The following TNR variants were observed in gnomAD, a reference collection of about 807,000 sequenced individuals.
The protein encoded by TNR is tenascin R.
In TNR, 45 loss-of-function variants were observed where a neutral mutation model predicts 150.4. The ratio of observed to expected loss-of-function variants is 0.30; its 90% CI spans 0.24 to 0.38. The LOEUF (loss-of-function observed/expected upper bound fraction) is 0.38, where lower values mean the gene tolerates loss of function less well. TNR is among the 10% of genes least tolerant of loss of function. The pLI, the probability that TNR is intolerant of heterozygous loss-of-function variation, is 1.00. For missense variants in TNR, 1,544 were observed against 1,759.1 expected (o/e 0.88, Z 2.19); for synonymous variants, 687 against 678.4 (o/e 1.01, Z -0.20).
In TNR at chr1:175,601,440, G is replaced by A. The variant is rs151262730; in HGVS notation, c.-164-73071C>T. 1.9e-4 allele frequency among the ~76,000 whole-genome samples: 29 copies of A among 152,324 alleles called. 1 individual carries two copies. In the East Asian group the frequency reaches 5.4e-3, roughly 28 times the overall value. ...AGTCATCATGGCAGAAGAGAAAGGT[G>A]AATGGGCCTAAACTTAAGAGGCCTG... is the stretch of plus-strand genomic sequence containing the variant. On this transcript the variant is annotated intron_variant, in intron 1 of 22. Transcript: ENST00000367674.
In TNR at chr1:175,550,065, A is replaced by G. The variant is rs1660876686; in HGVS notation, c.-164-21696T>C. On this transcript the variant is annotated intron_variant, in intron 1 of 22. Transcript: ENST00000367674. ...AAGCCCATAAAGGGAGGCTATTACA[A>G]CAGAGGAGAGGTGGCCAACAAATTT... 3.9e-5 allele frequency among the ~76,000 whole-genome samples: 6 copies of G among 152,252 alleles called. No homozygotes were observed. In the South Asian group the frequency reaches 1.2e-3, roughly 32 times the overall value.
chr1:175,513,676 A>G (rs778418373), intron 2 of TNR, among the ~76,000 whole-genome samples: 3 of 152,134 alleles, frequency 2.0e-5, no homozygotes, highest in South Asian at 2.1e-4. Flanking sequence ...TTACATTTCT[A>G]TTTGTTCAGA....
intron 1 of TNR, among the ~76,000 whole-genome samples, chr1:175,613,247 T>C (rs762002683): frequency 2.0e-5 from 3 of 152,154 alleles, no homozygotes; most frequent in African/African-American, 4.8e-5. Context: ...TGAGTCTCTG[T>C]AGCTAGGTCC....
intron 1 of TNR, among the ~76,000 whole-genome samples, chr1:175,705,195 G>C (rs1422261582): frequency 6.6e-6 from 1 of 152,142 alleles, no homozygotes; most frequent in Non-Finnish European, 1.5e-5. Flanking sequence ...TGGTCTCAGA[G>C]ATAGAAAGAC....
At chr1:175,570,277 T>C (rs1378345116) in intron 1 of TNR, among the ~76,000 whole-genome samples, 1 of 152,166 alleles carries the variant, frequency 6.6e-6, no homozygotes, top group Non-Finnish European at 1.5e-5. Flanking sequence ...GGCAGGGTCA[T>C]TTGCACAACT....
chr1:175,331,058 T>TTTCTTTCTTTCCTTCCTTCC (rs1491379776), intron 20 of TNR, among the ~76,000 whole-genome samples: 1 of 116,208 alleles, frequency 8.6e-6, no homozygotes, highest in African/African-American at 3.7e-5. Context: ...TCTTTCTTTC[T>TTTCTTTCTTTCCTTCCTTCC]TTCTTTCTTT....
intron 1 of TNR, among the ~76,000 whole-genome samples, chr1:175,706,416 A>G (rs1429694054): frequency 6.6e-6 from 1 of 152,122 alleles, no homozygotes; most frequent in African/African-American, 2.4e-5. Context: ...AAGGACATTA[A>G]CAAGCCAGAA....
chr1:175,532,369 G>T, intron 1 of TNR, among the ~76,000 whole-genome samples: 1 of 152,208 alleles, frequency 6.6e-6, no homozygotes, highest in African/African-American at 2.4e-5. Flanking sequence ...AACTGTTGGT[G>T]ATCTGACCCA....
chr1:175,426,905 AT>A (rs1363473389), intron 2 of TNR, among the ~76,000 whole-genome samples: 11 of 81,940 alleles, frequency 1.3e-4, no homozygotes, highest in African/African-American at 6.0e-4. Flanking sequence ...TATAAAATAT[AT>A]TATATATATA....
rs779238112 is a variant in TNR at position 175,337,545 on chromosome 1, C to T, written c.3517G>A (p.Asp1173Asn). Residue 1173 changes from aspartate to asparagine, a missense_variant, in exon 19 of 23, where the codon GAC becomes AAC. Asp to Asn is a conservative substitution (Grantham distance 23). This residue lies in a region of TNR where 290 missense variants were observed against 429.7 expected (regional missense o/e 0.67). Transcript: ENST00000367674. ...GTACTTACAATCCAGCCGCCCCCGT[C>T]GGTGGTCATATCACAGTACACTTGT... Reference protein sequence around the residue: ...KLQVYCDMTTDGGGWIVFQRR... With the variant: ...KLQVYCDMTTNGGGWIVFQRR... 1.2e-5 allele frequency: 19 copies of T among 1,613,434 alleles called. No individual in the cohort carries two copies. In the East Asian group the frequency reaches 2.5e-4, roughly 21 times the overall value.
chr1:175,383,271 C>T (rs909060975), intron 8 of TNR, among the ~76,000 whole-genome samples: 7 of 152,178 alleles, frequency 4.6e-5, no homozygotes, highest in African/African-American at 7.2e-5. Context: ...AGGACTTCAA[C>T]GTCTTTTTAA....
chr1:175,634,415 T>C (rs1364134296), intron 1 of TNR, among the ~76,000 whole-genome samples: 1 of 152,256 alleles, frequency 6.6e-6, no homozygotes, highest in Non-Finnish European at 1.5e-5. Flanking sequence ...GAGCCATCTA[T>C]TCTGCTGATG....
chr1:175,373,788 C>T (rs1224105134), intron 9 of TNR, among the ~76,000 whole-genome samples: 3 of 152,136 alleles, frequency 2.0e-5, no homozygotes, highest in Admixed American at 6.5e-5. Flanking sequence ...CTGGCTTTTC[C>T]CCCAGCCCCC....
chr1:175,511,330 A>G (rs1194881100), intron 2 of TNR, among the ~76,000 whole-genome samples: 1 of 152,266 alleles, frequency 6.6e-6, no homozygotes, highest in Non-Finnish European at 1.5e-5. Flanking sequence ...CATTTATGTC[A>G]GGCAACTGTC....
chr1:175,430,335 C>G (rs1459837189), intron 2 of TNR, among the ~76,000 whole-genome samples: 7 of 152,120 alleles, frequency 4.6e-5, no homozygotes, highest in African/African-American at 1.4e-4. Context: ...CTAGATGACT[C>G]TTAAGAATTA....
intron 11 of TNR, among the ~76,000 whole-genome samples, chr1:175,365,586 C>T (rs927391389): frequency 2.0e-5 from 3 of 152,152 alleles, no homozygotes; most frequent in Admixed American, 1.3e-4. Context: ...CTCTGAATTC[C>T]CACTGATTTA....
chr1:175,521,060 A>G (rs1659616905), intron 2 of TNR, among the ~76,000 whole-genome samples: 1 of 152,114 alleles, frequency 6.6e-6, no homozygotes, highest in Non-Finnish European at 1.5e-5. Context: ...CTCATTTGTT[A>G]GTTTGTGTCC....
intron 8 of TNR, 68 bp from the exon 9 acceptor site, chr1:175,379,805 A>G: frequency 2.6e-6 from 4 of 1,540,734 alleles, no homozygotes; most frequent in Non-Finnish European, 3.5e-6. Flanking sequence ...TGCATCTTGA[A>G]CTCTGAAAAG....
At chr1:175,615,996 C>T (rs1663761738) in intron 1 of TNR, among the ~76,000 whole-genome samples, 1 of 152,190 alleles carries the variant, frequency 6.6e-6, no homozygotes, top group African/African-American at 2.4e-5. Flanking sequence ...ACCTAAAGTA[C>T]ATACCTAAAA....
Sources: allele counts gnomAD v4.1 joint callset (sites outside exome capture counted in the v4.1 genomes callset), GRCh38; gene constraint gnomAD v4.1.1; regional missense constraint gnomAD v4.1.1; transcripts MANE v1.5; gene names NCBI Gene and HGNC (gene_info 2026-07-23, HGNC 2026-07-21).